Variants in DOP1A observed in about 807,000 individuals in gnomAD.
DOP1A encodes the protein protein DOP1A.
DOP1A carries 90 observed loss-of-function variants against 267.6 expected under a neutral mutation model. The ratio of observed to expected loss-of-function variants is 0.34; its 90% confidence interval spans 0.28 to 0.40. The LOEUF is 0.40. Among genes scored for constraint, DOP1A ranks in the 10% least tolerant of loss-of-function variants. DOP1A has a pLI of 1.00. For synonymous variants in DOP1A, 932 were observed against 999.1 expected (o/e 0.93, Z 1.27); for missense variants, 2,437 against 2,900.4 (o/e 0.84, Z 3.67).
intron 37 of DOP1A, among the ~76,000 whole-genome samples, chr6:83,161,542 C>T (rs1784239993): frequency 6.6e-6 from 1 of 151,972 alleles, no homozygotes; most frequent in Non-Finnish European, 1.5e-5. Flanking sequence ...ATAAAAATAA[C>T]CTGGTAGAAA....
At chr6:83,110,876 T>C (rs1339901916) in intron 6 of DOP1A, among the ~76,000 whole-genome samples, 1 of 152,228 alleles carries the variant, frequency 6.6e-6, no homozygotes, top group Non-Finnish European at 1.5e-5. Context: ...AGTTAATTTA[T>C]GTACACTGAA....
intron 25 of DOP1A, among the ~76,000 whole-genome samples, chr6:83,146,246 A>G (rs926274073): frequency 3.9e-5 from 6 of 152,210 alleles, no homozygotes; most frequent in African/African-American, 1.4e-4. Flanking sequence ...TCTTTGTTCA[A>G]GCAATACCAA....
At chr6:83,103,928 T>C (rs200409751) in intron 4 of DOP1A, among the ~76,000 whole-genome samples, 2 of 152,216 alleles carry the variant, frequency 1.3e-5, no homozygotes, top group East Asian at 3.8e-4. Flanking sequence ...CAACTATATG[T>C]ATTACCCTTA....
At chr6:83,079,897 C>T (rs1767791440) in intron 1 of DOP1A, among the ~76,000 whole-genome samples, 1 of 152,064 alleles carries the variant, frequency 6.6e-6, no homozygotes, top group Non-Finnish European at 1.5e-5. Flanking sequence ...TTAGTTATTC[C>T]TCATCTTGCG....
Position 83,137,777 on chromosome 6 carries a change from A to G in DOP1A, c.3735A>G (p.Thr1245=), listed in dbSNP as rs1480508717. The G allele has an allele frequency of 3.7e-6, 6 of 1,613,874 alleles. No homozygotes were observed. The highest frequency in any genetic ancestry group is 5.1e-6 in the Non-Finnish European group (6 of 1,179,868). ...NSSSPCISGT[T]HTLHDSSVAS... is the part of the protein sequence containing the mutation. ...CCTCACCTTGTATTTCAGGAACCAC[A>G]CACACTCTTCATGACTCTTCTGTTG... Residue 1245 remains threonine, a synonymous_variant, in exon 21 of 39, where the codon ACA becomes ACG. Coordinates refer to ENST00000349129, the MANE Select transcript of DOP1A (RefSeq NM_015018.4).
At chr6:83,114,029 A>G (rs1318124633) in intron 7 of DOP1A, among the ~76,000 whole-genome samples, 1 of 152,188 alleles carries the variant, frequency 6.6e-6, no homozygotes, top group African/African-American at 2.4e-5. Context: ...GTGGAACTAC[A>G]TACCTAACAA....
chr6:83,122,085 C>T, intron 11 of DOP1A, 35 bp downstream of exon 11: 3 of 1,602,700 alleles, frequency 1.9e-6, no homozygotes, highest in Admixed American at 1.7e-5. Flanking sequence ...GACATGAAGA[C>T]ATAATATGTA....
chr6:83,097,185 C>G, intron 3 of DOP1A, 70 bp downstream of exon 3: 1 of 1,512,320 alleles, frequency 6.6e-7, no homozygotes, highest in Non-Finnish European at 8.9e-7. Context: ...TGTTAGATTT[C>G]TCGAAATCTT....
In DOP1A at chr6:83,138,468, G is replaced by A. The variant is rs368200841; in HGVS notation, c.4426G>A (p.Ala1476Thr). The A allele has an allele frequency of 1.8e-4, 286 of 1,612,738 alleles. No homozygotes were observed. Among genetic ancestry groups the A allele is most frequent in the Non-Finnish European group, 2.0e-4 (237 of 1,179,910 alleles). ...TTACCCAACTCATGTCAAGGTTACT[G>A]CACAAGATTTAATAGGCAATCGAAA... is the stretch of plus-strand genomic sequence containing the variant. ...SHYPTHVKVT[A>T]QDLIGNRNMQ... is the part of the protein sequence containing the mutation. The change falls in exon 21 of 39, where the codon GCA becomes ACA. Residue 1476 changes from alanine (A) to threonine (T), a missense_variant. Coordinates refer to ENST00000349129, the MANE Select transcript of DOP1A (RefSeq NM_015018.4).
chr6:83,083,941 A>T (rs1768605556), intron 1 of DOP1A, among the ~76,000 whole-genome samples: 1 of 152,206 alleles, frequency 6.6e-6, no homozygotes, highest in African/African-American at 2.4e-5. Context: ...AAAGAATCTG[A>T]TTTTATAGCA....
chr6:83,165,027 A>G (rs1421815485), intron 38 of DOP1A: 1 of 272,352 alleles, frequency 3.7e-6, no homozygotes, highest in Non-Finnish European at 6.9e-6. Flanking sequence ...AATAGAAACA[A>G]AAGGTTACCC....
chr6:83,070,193 A>C (rs1785359852), intron 1 of DOP1A, among the ~76,000 whole-genome samples: 1 of 152,234 alleles, frequency 6.6e-6, no homozygotes, highest in African/African-American at 2.4e-5. Flanking sequence ...TGTAATTTTA[A>C]TAGATAAGCG....
chr6:83,143,278 T>G (rs1476351999), intron 24 of DOP1A, among the ~76,000 whole-genome samples: 1 of 152,206 alleles, frequency 6.6e-6, no homozygotes, highest in East Asian at 1.9e-4. Flanking sequence ...GGCATTTGCC[T>G]GTAGACCTAT....
intron 12 of DOP1A, among the ~76,000 whole-genome samples, chr6:83,123,972 G>A (rs572005074): frequency 2.0e-5 from 3 of 151,982 alleles, no homozygotes; most frequent in East Asian, 3.9e-4. Context: ...TATTCCTTCT[G>A]AAATACTCTT....
At chr6:83,127,299 C>T (rs1033768838) in intron 15 of DOP1A, among the ~76,000 whole-genome samples, 1 of 152,134 alleles carries the variant, frequency 6.6e-6, no homozygotes, top group African/African-American at 2.4e-5. Context: ...CTTCCCAAGG[C>T]TAGTTCAGCC....
chr6:83,119,780 A>G lies in DOP1A; in HGVS notation c.913A>G (p.Arg305Gly), dbSNP rs201160487. ...TAACAACGGTGCTATCATAGGACCCAGAAGCACAAGACACAGTAATCCTGA... is the reference window on the plus strand; with the variant it reads ...TAACAACGGTGCTATCATAGGACCCGGAAGCACAAGACACAGTAATCCTGA... ...FDNNGAIIGP[R>G]STRHSNPEEH... is the part of the protein sequence containing the mutation. Residue 305 changes from arginine (R) to glycine (G), a missense_variant, in exon 9 of 39, where the codon AGA becomes GGA. Coordinates refer to ENST00000349129, the MANE Select transcript of DOP1A (RefSeq NM_015018.4). 99 of 1,613,138 alleles carry G rather than the reference A, an allele frequency of 6.1e-5. No individual in the cohort carries two copies. In the African/African-American group the frequency reaches 1.2e-3, roughly 19 times the overall value.
In DOP1A at chr6:83,135,787, T is replaced by C; in HGVS notation, c.3039T>C (p.Arg1013=). 2 of 1,613,714 alleles carry C rather than the reference T, an allele frequency of 1.2e-6. No individual in the cohort carries two copies. The highest frequency in any genetic ancestry group is 1.7e-6 in the Non-Finnish European group (2 of 1,179,728). ...HPKTQRVSVQ[R]VQAERYWNKS... ...AAACTCAGAGGGTTTCAGTACAGCG[T>C]GTACAAGCAGAACGTTATTGGAATA... The change falls in exon 20 of 39, where the codon CGT becomes CGC. Residue 1013 remains arginine (R), a synonymous_variant. Coordinates refer to ENST00000349129, the MANE Select transcript of DOP1A (RefSeq NM_015018.4).
intron 37 of DOP1A, 81 bp from the exon 38 acceptor site, chr6:83,162,709 C>T: frequency 6.9e-7 from 1 of 1,446,808 alleles, no homozygotes; most frequent in Non-Finnish European, 9.2e-7. Flanking sequence ...GGGTCATGAT[C>T]TTTCTACTAC....
intron 38 of DOP1A, chr6:83,166,592 T>C: frequency 3.1e-6 from 2 of 654,520 alleles, no homozygotes; most frequent in Non-Finnish European, 4.9e-6. Context: ...TAAAATGATG[T>C]ATAACATAAC....
Sources: gnomAD v4.1 joint callset for allele counts (sites outside exome capture counted in the v4.1 genomes callset) on GRCh38, gnomAD v4.1.1 for gene constraint, MANE v1.5 for transcripts, NCBI Gene and HGNC (gene_info 2026-07-23, HGNC 2026-07-21) for gene names.